The following JAKMIP2 variants were observed in gnomAD, a reference collection of about 807,000 sequenced individuals.
JAKMIP2 encodes the protein janus kinase and microtubule interacting protein 2.
In JAKMIP2, 25 loss-of-function variants were observed where a neutral mutation model predicts 115.0. The ratio of observed to expected loss-of-function variants is 0.22; its 90% CI spans 0.16 to 0.30. The LOEUF (loss-of-function observed/expected upper bound fraction) is 0.30. JAKMIP2 is among the 10% of genes least tolerant of loss of function. The pLI is 1.00. For synonymous variants in JAKMIP2, 334 were observed against 343.6 expected, an observed-to-expected ratio of 0.97 and a Z score of 0.31; for missense variants, 642 against 957.6, an observed-to-expected ratio of 0.67 and a Z score of 4.35.
intron 1 of JAKMIP2, among the ~76,000 whole-genome samples, chr5:147,738,304 T>C (rs1298432557): frequency 6.6e-6 from 1 of 152,192 alleles, no homozygotes; most frequent in Non-Finnish European, 1.5e-5. Flanking sequence ...AAGCCACAAC[T>C]TCTCTTCAAA....
chr5:147,690,584 T>TACAC (rs1491521047), intron 1 of JAKMIP2, among the ~76,000 whole-genome samples: 1 of 98,356 alleles, frequency 1.0e-5, no homozygotes, highest in African/African-American at 3.2e-5. Flanking sequence ...TATATATATA[T>TACAC]GCACATATGC....
At chr5:147,661,480 G>T in intron 2 of JAKMIP2, 35 bp from the exon 3 acceptor site, 1 of 1,582,970 alleles carries the variant, frequency 6.3e-7, no homozygotes, top group South Asian at 1.2e-5. Context: ...GAAGAGAAAT[G>T]AGCCTCAAAG....
At chr5:147,619,379 A>T (rs1199043334) in intron 18 of JAKMIP2, among the ~76,000 whole-genome samples, 1 of 146,068 alleles carries the variant, frequency 6.8e-6, no homozygotes, top group Admixed American at 6.7e-5. Flanking sequence ...AGCATCAAAT[A>T]CCCATTCTCT....
At chr5:147,776,213 C>T (rs749216692) in intron 1 of JAKMIP2, among the ~76,000 whole-genome samples, 1 of 152,126 alleles carries the variant, frequency 6.6e-6, no homozygotes, top group Non-Finnish European at 1.5e-5. Flanking sequence ...TGTTCCCACC[C>T]AAATCTCATC....
In JAKMIP2 at chr5:147,644,843, TACAC is replaced by T. The variant is rs778521654; in HGVS notation, c.1083+3_1083+6del. On this transcript the variant is annotated splice_donor_5th_base_variant and intron_variant, in intron 6 of 21. Coordinates refer to ENST00000616793, the MANE Select transcript of JAKMIP2 (RefSeq NM_001270941.2). ...AGCTGCAGTTTTGCAGAGTCTGTGA[TACAC>T]ACCATTTCTGAATTTTCCTTGGTAA... The T allele has an allele frequency of 6.2e-7, 1 of 1,612,808 alleles. No homozygotes were observed. The highest frequency in any genetic ancestry group is 1.1e-5 in the South Asian group (1 of 90,872).
At chr5:147,642,208 A>G (rs917094521) in intron 7 of JAKMIP2, among the ~76,000 whole-genome samples, 10 of 152,146 alleles carry the variant, frequency 6.6e-5, no homozygotes, top group African/African-American at 2.2e-4. Context: ...TCTTTGGCCT[A>G]TTTTTGCATC....
chr5:147,741,820 G>T (rs1754150063), intron 1 of JAKMIP2, among the ~76,000 whole-genome samples: 1 of 152,012 alleles, frequency 6.6e-6, no homozygotes, highest in Non-Finnish European at 1.5e-5. Flanking sequence ...AAAGTATGGG[G>T]ACAAGCATCA....
intron 7 of JAKMIP2, 94 bp from the exon 8 acceptor site, chr5:147,641,858 T>C (rs1757895552): frequency 9.8e-7 from 1 of 1,015,998 alleles, no homozygotes; most frequent in Non-Finnish European, 1.5e-6. Context: ...CATAAGGCAT[T>C]ATATTTGGAA....
intron 20 of JAKMIP2, among the ~76,000 whole-genome samples, chr5:147,610,934 G>A (rs1196098830): frequency 6.6e-6 from 1 of 152,202 alleles, no homozygotes; most frequent in African/African-American, 2.4e-5. Context: ...TTGTGGCCCT[G>A]TGGTGGGCTC....
intron 3 of JAKMIP2, among the ~76,000 whole-genome samples, chr5:147,652,109 AC>A (rs1318107630): frequency 1.3e-5 from 2 of 152,142 alleles, no homozygotes; most frequent in African/African-American, 2.4e-5. Flanking sequence ...TATTCAGGGT[AC>A]TATACTCAGA....
In JAKMIP2 at chr5:147,617,551, G is replaced by A. The variant is rs116181224; in HGVS notation, c.2346+360C>T. On this transcript the variant is annotated intron_variant, in intron 19 of 21. Transcript: ENST00000616793. ...TCGGATTATTATCAGGCTTGTTTAC[G>A]GACTGGAGTGAGCAATACATGGGAA... 4.8e-4 allele frequency among the ~76,000 whole-genome samples: 73 copies of A among 152,178 alleles called. 2 individuals are homozygous for A. The East Asian group carries it at 7.5e-3, about 16-fold the overall frequency.
At chr5:147,734,506 G>A (rs117969044) in intron 1 of JAKMIP2, among the ~76,000 whole-genome samples, 4,165 of 147,346 alleles carry the variant, frequency 0.028, 113 homozygotes, top group East Asian at 0.097. Context: ...GTTGGAGGGT[G>A]GGGGGGCTAG....
At chr5:147,627,568 T>C (rs1757153247) in intron 16 of JAKMIP2, among the ~76,000 whole-genome samples, 1 of 151,106 alleles carries the variant, frequency 6.6e-6, no homozygotes, top group Non-Finnish European at 1.5e-5. Flanking sequence ...ATTAGGTCTG[T>C]AATTAAACTG....
At chr5:147,758,639 A>G (rs1169164133) in intron 1 of JAKMIP2, among the ~76,000 whole-genome samples, 2 of 152,110 alleles carry the variant, frequency 1.3e-5, no homozygotes, top group Non-Finnish European at 2.9e-5. Context: ...TTTGACATGG[A>G]GTTTCACTAT....
At chr5:147,680,526 A>T (rs901182429) in intron 1 of JAKMIP2, among the ~76,000 whole-genome samples, 1 of 152,264 alleles carries the variant, frequency 6.6e-6, no homozygotes, top group Non-Finnish European at 1.5e-5. Context: ...TAAATGCTTC[A>T]ACCCTTCTCT....
chr5:147,782,248 AT>A (rs565755106), intron 1 of JAKMIP2, among the ~76,000 whole-genome samples: 131 of 144,332 alleles, frequency 9.1e-4, no homozygotes, highest in Non-Finnish European at 8.9e-4. Context: ...TCAGAACACC[AT>A]TTTTTTTTTT....
At chr5:147,735,661 C>T (rs939570578) in intron 1 of JAKMIP2, among the ~76,000 whole-genome samples, 1 of 152,188 alleles carries the variant, frequency 6.6e-6, no homozygotes, top group East Asian at 1.9e-4. Context: ...TATCACTTAT[C>T]ATTATTACAG....
intron 12 of JAKMIP2, among the ~76,000 whole-genome samples, chr5:147,635,813 G>A (rs945661518): frequency 2.0e-5 from 3 of 152,202 alleles, no homozygotes; most frequent in East Asian, 3.9e-4. Flanking sequence ...CACCCACCTC[G>A]GCCTCCCAAA....
intron 12 of JAKMIP2, among the ~76,000 whole-genome samples, chr5:147,634,594 G>GGAAC (rs1757521486): frequency 1.3e-5 from 2 of 152,190 alleles, no homozygotes; most frequent in Admixed American, 1.3e-4. Context: ...AATTAGATCA[G>GGAAC]TGGTTCACAG....
Sources: gnomAD v4.1 joint callset for allele counts (sites outside exome capture counted in the v4.1 genomes callset) on GRCh38, gnomAD v4.1.1 for gene constraint, MANE v1.5 for transcripts, NCBI Gene and HGNC (gene_info 2026-07-23, HGNC 2026-07-21) for gene names.